Variants in COL5A1 observed in about 807,000 individuals in gnomAD.
The protein encoded by COL5A1 is collagen alpha-1(V) chain.
COL5A1 carries 16 observed loss-of-function variants against 263.7 expected under a neutral mutation model. That is an observed-to-expected ratio of 0.06 (90% confidence interval 0.04 to 0.09). The LOEUF (loss-of-function observed/expected upper bound fraction) is 0.09, where lower values mean the gene tolerates loss of function less well. Ranked by LOEUF, COL5A1 falls within the 10% of genes least tolerant of loss-of-function variation. The pLI is 1.00. For missense variants in COL5A1, 2,036 were observed against 2,540.5 expected (o/e 0.80, Z 4.27); for synonymous variants, 1,012 against 1,004.5 (o/e 1.01, Z -0.14).
intron 4 of COL5A1, among the ~76,000 whole-genome samples, chr9:134,726,872 T>C (rs1375744996): frequency 6.7e-6 from 1 of 149,668 alleles, no homozygotes; most frequent in African/African-American, 2.5e-5. Context: ...GATGGATGGA[T>C]AGGTGAATGG....
At chr9:134,672,122 C>T (rs1165098716) in intron 1 of COL5A1, among the ~76,000 whole-genome samples, 1 of 152,244 alleles carries the variant, frequency 6.6e-6, no homozygotes, top group Non-Finnish European at 1.5e-5. Flanking sequence ...GACTGTCTTG[C>T]AGCTTCAGTT....
Position 134,765,647 on chromosome 9 carries a change from G to C in COL5A1, c.2035-34G>C, listed in dbSNP as rs750676755. On this transcript the variant is annotated intron_variant, in intron 20 of 65. Transcript: ENST00000371817. This position sits in a 1 kb window ranked among gnomAD's most constrained non-coding sequence, Gnocchi z 5.1. ...GAGAGGAGGGCTGGGATTTCTGCCC[G>C]AGTTTAAATCCTATTTTCCCTTTCC... 1 of 1,603,464 alleles carries C rather than the reference G, an allele frequency of 6.2e-7. No individual in the cohort carries two copies.
chr9:134,745,314 G>A (rs77709855), intron 11 of COL5A1, among the ~76,000 whole-genome samples: 3,940 of 152,344 alleles, frequency 0.026, 82 homozygotes, highest in Non-Finnish European at 0.043. Flanking sequence ...CATTTCTAGA[G>A]TGAAGGGACA....
chr9:134,815,034 T>A (rs1838688156), intron 50 of COL5A1, 130 bp downstream of exon 50: 1 of 680,298 alleles, frequency 1.5e-6, no homozygotes, highest in Non-Finnish European at 2.5e-6. Flanking sequence ...GTTGGGTAAA[T>A]TTTCTAGACA....
chr9:134,685,494 AT>A (rs1833024887), intron 1 of COL5A1, among the ~76,000 whole-genome samples: 2 of 108,492 alleles, frequency 1.8e-5, no homozygotes, highest in Admixed American at 9.7e-5. Flanking sequence ...CCGTCCATCC[AT>A]CCATCCATCC....
At chr9:134,676,165 C>A (rs1832678233) in intron 1 of COL5A1, among the ~76,000 whole-genome samples, 1 of 152,192 alleles carries the variant, frequency 6.6e-6, no homozygotes, top group Non-Finnish European at 1.5e-5. Flanking sequence ...CACTGCTCCA[C>A]CAAACCTCAG....
intron 2 of COL5A1, among the ~76,000 whole-genome samples, chr9:134,698,508 G>A (rs893466793): frequency 2.0e-5 from 3 of 152,220 alleles, no homozygotes; most frequent in African/African-American, 4.8e-5. Flanking sequence ...AGATCTCCCT[G>A]CAGCACCTTA....
intron 65 of COL5A1, among the ~76,000 whole-genome samples, chr9:134,836,222 G>A (rs1469015550): frequency 3.3e-5 from 5 of 152,200 alleles, no homozygotes; most frequent in South Asian, 4.1e-4. Flanking sequence ...CAGCATCTGC[G>A]TCCAGTGATG....
chr9:134,724,501 A>T (rs1413114556), intron 4 of COL5A1, among the ~76,000 whole-genome samples: 1 of 152,148 alleles, frequency 6.6e-6, no homozygotes, highest in African/African-American at 2.4e-5. Flanking sequence ...CCGTGTGCGC[A>T]GTGGTTGTGA....
At chr9:134,749,114 T>C (rs142622216) in intron 11 of COL5A1, among the ~76,000 whole-genome samples, 51 of 152,298 alleles carry the variant, frequency 3.3e-4, no homozygotes, top group African/African-American at 1.2e-3. Context: ...TGGACACCTG[T>C]AATCCCAGCT....
intron 1 of COL5A1, among the ~76,000 whole-genome samples, chr9:134,650,849 C>T (rs375196376): frequency 2.8e-4 from 43 of 152,402 alleles, no homozygotes; most frequent in African/African-American, 9.1e-4. Flanking sequence ...ACCCGCCCTT[C>T]GTGCCAGGTG....
rs758942052 is a variant in COL5A1 at position 134,727,299 on chromosome 9, C to A, written c.688C>A (p.His230Asn). ...CCAGCAGCTGCTCTTTGTCTCGGACCACCGGGCAGCTTATGATTACTGTGA... is the reference window on the plus strand; with the variant it reads ...CCAGCAGCTGCTCTTTGTCTCGGACAACCGGGCAGCTTATGATTACTGTGA... ...DIQQLLFVSD[H>N]RAAYDYCEHY... The change falls in exon 5 of 66, where the codon CAC (histidine) becomes AAC (asparagine). Residue 230 changes from histidine (H) to asparagine (N), a missense_variant. His to Asn is a moderately conservative substitution (Grantham distance 68). This residue lies in a region of COL5A1 where 600 missense variants were observed against 634.5 expected (regional missense o/e 0.95). Coordinates refer to ENST00000371817, the MANE Select transcript of COL5A1 (RefSeq NM_000093.5). 1 of 1,614,068 alleles carries A rather than the reference C, an allele frequency of 6.2e-7. No homozygotes were observed. Among genetic ancestry groups the A allele is most frequent in the South Asian group, 1.1e-5 (1 of 91,072 alleles).
intron 35 of COL5A1, 140 bp downstream of exon 35, chr9:134,796,558 A>G: frequency 1.1e-6 from 1 of 918,992 alleles, no homozygotes; most frequent in Non-Finnish European, 1.7e-6. Context: ...CTAAGATCCC[A>G]AGGGTGGGTC....
chr9:134,814,837 C>G lies in COL5A1; in HGVS notation c.3947C>G (p.Pro1316Arg), dbSNP rs371550819. The G allele has an allele frequency of 3.1e-5, 48 of 1,551,948 alleles. No individual in the cohort carries two copies. The highest frequency in any genetic ancestry group is 3.4e-5 in the Non-Finnish European group (39 of 1,147,312). Residue 1316 changes from proline to arginine, a missense_variant, in exon 50 of 66, where the codon CCT becomes CGT. Physicochemically the swap from Pro to Arg is moderately radical, Grantham distance 103 (BLOSUM62 -2). Transcript: ENST00000371817. ...AGGGGAGAGAAGGGCGAGTCAGGCC[C>G]TTCAGGTGCTGCCGGACCCCCTGGA... The part of the protein sequence containing the change: ...GERGEKGESG[P>R]SGAAGPPGPK...
chr9:134,827,073 C>T (rs1303516804), intron 63 of COL5A1, among the ~76,000 whole-genome samples: 7 of 152,196 alleles, frequency 4.6e-5, no homozygotes, highest in African/African-American at 1.4e-4. Context: ...GCAGTTGTCG[C>T]GTGGCCCCAG....
chr9:134,831,236 G>T (rs890813238), intron 64 of COL5A1, among the ~76,000 whole-genome samples: 3 of 152,210 alleles, frequency 2.0e-5, no homozygotes, highest in Non-Finnish European at 2.9e-5. Flanking sequence ...CTCATAACCT[G>T]AAGGCATTCA....
intron 26 of COL5A1, among the ~76,000 whole-genome samples, chr9:134,773,173 T>C (rs944790911): frequency 1.3e-5 from 2 of 152,078 alleles, no homozygotes; most frequent in South Asian, 2.1e-4. Flanking sequence ...CTGGGTGGCC[T>C]TTGAGTTTTG....
chr9:134,710,019 G>A (rs776716323), intron 4 of COL5A1, among the ~76,000 whole-genome samples: 96 of 152,308 alleles, frequency 6.3e-4, no homozygotes, highest in Middle Eastern at 3.4e-3. Flanking sequence ...GGGGGCCCAC[G>A]AACGTGATGT....
At chr9:134,830,481 A>C in intron 64 of COL5A1, 1 of 496,114 alleles carries the variant, frequency 2.0e-6, no homozygotes, top group East Asian at 3.5e-5. Context: ...AGCCCCAGGC[A>C]CCTGAGCACT....
Sources: allele counts gnomAD v4.1 joint callset (sites outside exome capture counted in the v4.1 genomes callset), GRCh38; gene constraint gnomAD v4.1.1; regional missense constraint gnomAD v4.1.1; non-coding constraint Gnocchi (gnomAD v3.1); transcripts MANE v1.5; gene names NCBI Gene and HGNC (gene_info 2026-07-23, HGNC 2026-07-21).